Variants in SIX4 observed in about 807,000 individuals in gnomAD.
The protein encoded by SIX4 is homeobox protein SIX4.
Under a neutral mutation model 51.5 loss-of-function variants are expected in SIX4, and 23 were observed. The observed-to-expected ratio is 0.45, with a 90% CI of 0.32 to 0.63. The LOEUF (loss-of-function observed/expected upper bound fraction) is 0.63, where lower values mean the gene tolerates loss of function less well. SIX4 is among the 30% of genes least tolerant of loss of function. The pLI is 0.04. For synonymous variants in SIX4, 413 were observed against 417.3 expected, an observed-to-expected ratio of 0.99 and a Z score of 0.13; for missense variants, 867 against 984.0, an observed-to-expected ratio of 0.88 and a Z score of 1.59.
At chr14:60,723,044 C>T (rs1317558765) in intron 1 of SIX4, 168 bp downstream of exon 1, 3 of 1,406,150 alleles carry the variant, frequency 2.1e-6, no homozygotes, top group Admixed American at 6.4e-5. Context: ...CCTCCGCCGC[C>T]CCCTACCTCT....
At position 60,713,226 on chromosome 14, in the gene SIX4, A is replaced by G; in HGVS notation, c.*181T>C. The G allele has an allele frequency of 1.8e-6, 1 of 565,440 alleles. No individual in the cohort carries two copies. The highest frequency in any genetic ancestry group is 3.0e-6 in the Non-Finnish European group (1 of 336,132). The allele number at this position is 565,440 out of a possible 1,614,324, so 35.0% of individuals were successfully genotyped here. ...ATAAGTGAACAAAAAGGCTGCAATA[A>G]TGCAGTTCTACTCCTGTATACTTAA... On this transcript the variant is annotated 3_prime_UTR_variant, in exon 3 of 3. Coordinates refer to ENST00000216513, the MANE Select transcript of SIX4 (RefSeq NM_017420.5).
At position 60,719,904 on chromosome 14, in the gene SIX4, C is replaced by T. The variant is rs1000491025; in HGVS notation, c.1405G>A (p.Val469Ile). The T allele has an allele frequency of 6.2e-6, 10 of 1,614,060 alleles. No homozygotes were observed. The highest frequency in any genetic ancestry group is 8.5e-6 in the Non-Finnish European group (10 of 1,180,042). Reference protein sequence around the residue: ...QTVASQDGGSVVTFTTPVQIN... With the variant: ...QTVASQDGGSIVTFTTPVQIN... The stretch of plus-strand genomic sequence containing the variant: ...TGCACTGGTGTAGTAAAAGTCACTA[C>T]AGACCCTCCATCTTGGGAAGCCACT... The change falls in exon 2 of 3, where the codon GTA becomes ATA. Residue 469 changes from valine (V) to isoleucine (I), a missense_variant. Physicochemically the swap from Val to Ile is conservative, Grantham distance 29. Transcript: ENST00000216513. The surrounding 1 kb of genome is among the most constrained non-coding windows in gnomAD (Gnocchi z 4.9).
At chr14:60,718,929 C>T (rs551855984) in intron 2 of SIX4, among the ~76,000 whole-genome samples, 10 of 152,250 alleles carry the variant, frequency 6.6e-5, no homozygotes, top group South Asian at 6.2e-4. Flanking sequence ...AGAAGGCAAA[C>T]GTGCATTAAG....
rs753574056 is a variant in SIX4, at chr14:60,714,130, T to C, written c.1623A>G (p.Gly541=). ...GAGCAAGAGAGCTCAAGAAAACCTT[T>C]CCTTGCTGGACTGTGGTAGACTCAC... The part of the protein sequence containing the change: ...FTSESTTVQQ[G]KVFLSSLAPS... The change falls in exon 3 of 3, where the codon GGA becomes GGG. Residue 541 remains glycine, a synonymous_variant. Transcript: ENST00000216513. 6.2e-7 allele frequency: 1 copy of C among 1,613,720 alleles called. No homozygotes were observed. Among genetic ancestry groups the C allele is most frequent in the Non-Finnish European group, 8.5e-7 (1 of 1,179,992 alleles).
At position 60,722,117 on chromosome 14, in the gene SIX4, C is replaced by T. The variant is rs1039047941; in HGVS notation, c.863+1095G>A. On this transcript the variant is annotated intron_variant, in intron 1 of 2. Transcript: ENST00000216513. This position sits in a 1 kb window ranked among gnomAD's most constrained non-coding sequence, Gnocchi z 5.9. ...CCCAGTTTGCTTCCCCGAGAAGAAC[C>T]TTCGAGCTGCTTTTGGATTCTTTCT... 2.0e-5 allele frequency among the ~76,000 whole-genome samples: 3 copies of T among 152,206 alleles called. No homozygotes were observed. The highest frequency in any genetic ancestry group is 7.2e-5 in the African/African-American group (3 of 41,466).
At position 60,720,371 on chromosome 14, in the gene SIX4, G is replaced by A. The variant is rs767537596; in HGVS notation, c.938C>T (p.Ser313Phe). The A allele has an allele frequency of 6.2e-6, 10 of 1,614,212 alleles. No homozygotes were observed. In the Admixed American group the frequency reaches 1.5e-4, roughly 24 times the overall value. The change falls in exon 2 of 3, where the codon TCC (serine) becomes TTC (phenylalanine). Residue 313 changes from serine (S) to phenylalanine (F), a missense_variant. Transcript: ENST00000216513. This position sits in a 1 kb window ranked among gnomAD's most constrained non-coding sequence, Gnocchi z 5.5. ...GHEDLSPHPL[S>F]SSSDGITNLS... The stretch of plus-strand genomic sequence containing the variant: ...GTTGGTGATGCCATCAGATGAACTG[G>A]AGAGTGGGTGAGGAGATAAATCCTC...
At position 60,723,895 on chromosome 14, in the gene SIX4, G is replaced by C; in HGVS notation, c.180C>G (p.Thr60=). Residue 60 remains threonine, a synonymous_variant, in exon 1 of 3, where the codon ACC becomes ACG. Transcript: ENST00000216513. ...PFPLEPGDAA[T]AAARVSGEEG... Reference sequence around the variant, plus strand: ...CCTCTCCGCTCACCCTGGCGGCAGCGGTCGCGGCGTCCCCCGGCTCCAGGG... The same window carrying C: ...CCTCTCCGCTCACCCTGGCGGCAGCCGTCGCGGCGTCCCCCGGCTCCAGGG... The C allele has an allele frequency of 1.3e-6, 2 of 1,523,740 alleles. No homozygotes were observed. Among genetic ancestry groups the C allele is most frequent in the African/African-American group, 1.4e-5 (1 of 69,560 alleles). The allele number at this position is 1,523,740 out of a possible 1,614,324, so 94.4% of individuals were successfully genotyped here. A position where few individuals can be genotyped will look rare whatever the true frequency, so the allele number is the denominator to read the frequency against.
chr14:60,721,893 C>T lies in SIX4; in HGVS notation c.863+1319G>A, dbSNP rs183484874. Among the ~76,000 whole-genome samples the T allele has an allele frequency of 2.3e-3, 343 of 152,372 alleles. 1 individual carries two copies. The highest frequency in any genetic ancestry group is 7.7e-3 in the African/African-American group (321 of 41,596). ...ATATCTGCGGAAGGCGCACGCACAT[C>T]CCGGTGCACCTTTTGTTTTGGTTAC... On this transcript the variant is annotated intron_variant, in intron 1 of 2. Coordinates refer to ENST00000216513, the MANE Select transcript of SIX4 (RefSeq NM_017420.5).
chr14:60,717,068 A>T lies in SIX4; in HGVS notation c.1549+2692T>A. On this transcript the variant is annotated intron_variant, in intron 2 of 2. Transcript: ENST00000216513. The surrounding 1 kb of genome is among the most constrained non-coding windows in gnomAD (Gnocchi z 4.6). ...AGTATGCTTTAAAACTCTTATTTTT[A>T]TTTATTTATTTATTTATTTTTGAGA... 3.2e-6 allele frequency: 1 copy of T among 307,854 alleles called. No individual in the cohort carries two copies. The highest frequency in any genetic ancestry group is 6.3e-6 in the Non-Finnish European group (1 of 158,974). 19.1% of individuals were successfully genotyped at this position (307,854 alleles called of 1,614,324 possible).
In SIX4 at chr14:60,716,618, G is replaced by A. The variant is rs1329764407; in HGVS notation, c.1550-2415C>T. ...GCCCAGGCTGGTCTGGAATTCCTGG[G>A]CTCAAGTGATCCTCCTGCCTCAGCC... On this transcript the variant is annotated intron_variant, in intron 2 of 2. Coordinates refer to ENST00000216513, the MANE Select transcript of SIX4 (RefSeq NM_017420.5). Among the ~76,000 whole-genome samples, 57 of 152,216 alleles carry A rather than the reference G, an allele frequency of 3.7e-4. 1 individual carries two copies. The highest frequency in any genetic ancestry group is 1.5e-5 in the Non-Finnish European group (1 of 68,010).
In SIX4 at chr14:60,711,287, T is replaced by C. The variant is rs1282694234; in HGVS notation, c.*2120A>G. On this transcript the variant is annotated 3_prime_UTR_variant, in exon 3 of 3. Transcript: ENST00000216513. ...CAAAAAACATGTAGCTTCAGCAGTT[T>C]AGGAACATTCACCAATTCTATCAAA... The C allele has an allele frequency of 6.6e-6, 1 of 152,304 alleles. No homozygotes were observed. Among genetic ancestry groups the C allele is most frequent in the Non-Finnish European group, 1.5e-5 (1 of 68,022 alleles). The allele number at this position is 152,304 out of a possible 1,614,324, so 9.4% of individuals were successfully genotyped here.
chr14:60,723,013 G>T (rs1896055151), intron 1 of SIX4, 199 bp downstream of exon 1: 1 of 1,239,256 alleles, frequency 8.1e-7, no homozygotes. Context: ...AGGGTAAGGA[G>T]GGAGGTTCCC....
rs895205547 is a variant in SIX4 at position 60,711,526 on chromosome 14, C to T, written c.*1881G>A. On this transcript the variant is annotated 3_prime_UTR_variant, in exon 3 of 3. Transcript: ENST00000216513. ...TGTGGCCAGGCACAGTGGCTCATGCCTATAATCCCAGCACTTTGGGAGGCC... is the reference window on the plus strand; with the variant it reads ...TGTGGCCAGGCACAGTGGCTCATGCTTATAATCCCAGCACTTTGGGAGGCC... 1 of 151,908 alleles carries T rather than the reference C, an allele frequency of 6.6e-6. No homozygotes were observed. Among genetic ancestry groups the T allele is most frequent in the Non-Finnish European group, 1.5e-5 (1 of 68,074 alleles). The allele number at this position is 151,908 out of a possible 1,614,324, so 9.4% of individuals were successfully genotyped here.
chr14:60,724,080 GT>G lies in SIX4; in HGVS notation c.-7del. 6.4e-7 allele frequency: 1 copy of G among 1,550,452 alleles called. No homozygotes were observed. Among genetic ancestry groups the G allele is most frequent in the Non-Finnish European group, 8.7e-7 (1 of 1,147,716 alleles). ...GTGGGGGAGGAAGAGGACATTTTTT[GT>G]TGTTTATTTTCCTCCCTCCCTCACT... is the stretch of plus-strand genomic sequence containing the variant. On this transcript the variant is annotated 5_prime_UTR_variant, in exon 1 of 3. Transcript: ENST00000216513.
In SIX4 at chr14:60,720,758, T is replaced by C. The variant is rs1328658395; in HGVS notation, c.864-313A>G. Among the ~76,000 whole-genome samples the C allele has an allele frequency of 6.6e-6, 1 of 152,214 alleles. No homozygotes were observed. The highest frequency in any genetic ancestry group is 6.5e-5 in the Admixed American group (1 of 15,286). On this transcript the variant is annotated intron_variant, in intron 1 of 2. Coordinates refer to ENST00000216513, the MANE Select transcript of SIX4 (RefSeq NM_017420.5). This position sits in a 1 kb window ranked among gnomAD's most constrained non-coding sequence, Gnocchi z 5.5. ...CATATTTGATTTTACAGTGTAGAAG[T>C]GCTATTCCTTACTGTTACATATGCT...
chr14:60,722,964 C>T lies in SIX4; in HGVS notation c.863+248G>A. On this transcript the variant is annotated intron_variant, in intron 1 of 2. Coordinates refer to ENST00000216513, the MANE Select transcript of SIX4 (RefSeq NM_017420.5). This position sits in a 1 kb window ranked among gnomAD's most constrained non-coding sequence, Gnocchi z 5.9. ...GCCGAGGTGGGGGCGGGGACTGAGACCTAGGCGGGCGACCAGAAACTTCTG... is the reference window on the plus strand; with the variant it reads ...GCCGAGGTGGGGGCGGGGACTGAGATCTAGGCGGGCGACCAGAAACTTCTG... The T allele has an allele frequency of 1.6e-6, 1 of 635,210 alleles. No homozygotes were observed. Among genetic ancestry groups the T allele is most frequent in the Non-Finnish European group, 2.5e-6 (1 of 400,264 alleles). The allele number at this position is 635,210 out of a possible 1,614,324, so 39.3% of individuals were successfully genotyped here. A position where few individuals can be genotyped will look rare whatever the true frequency, so the allele number is the denominator to read the frequency against.
Position 60,724,266 on chromosome 14 carries a change from G to C in SIX4, c.-192C>G. On this transcript the variant is annotated 5_prime_UTR_variant, in exon 1 of 3. Transcript: ENST00000216513. ...CGGCCACGCAGTCACCATTAAGATAGCTGTTAGAGCAAAGTAGTGTAAACG... is the reference window on the plus strand; with the variant it reads ...CGGCCACGCAGTCACCATTAAGATACCTGTTAGAGCAAAGTAGTGTAAACG... 1 of 1,534,026 alleles carries C rather than the reference G, an allele frequency of 6.5e-7. No homozygotes were observed. Among genetic ancestry groups the C allele is most frequent in the Non-Finnish European group, 8.7e-7 (1 of 1,145,964 alleles).
In SIX4 at chr14:60,724,178, C is replaced by T. The variant is rs751178648; in HGVS notation, c.-104G>A. The T allele has an allele frequency of 1.3e-5, 20 of 1,590,510 alleles. No homozygotes were observed. Among genetic ancestry groups the T allele is most frequent in the Middle Eastern group, 1.7e-4 (1 of 6,020 alleles). Reference sequence around the variant, plus strand: ...CCTTCGTCTCCCTCCCTCCTCTCCCCCTCCGGAAAGCCCACTCCCTCCCTC... The same window carrying T: ...CCTTCGTCTCCCTCCCTCCTCTCCCTCTCCGGAAAGCCCACTCCCTCCCTC... On this transcript the variant is annotated 5_prime_UTR_variant, in exon 1 of 3. Coordinates refer to ENST00000216513, the MANE Select transcript of SIX4 (RefSeq NM_017420.5).
Position 60,713,610 on chromosome 14 carries a change from G to A in SIX4, c.2143C>T (p.Leu715=). 1.2e-6 allele frequency: 2 copies of A among 1,614,216 alleles called. No individual in the cohort carries two copies. The highest frequency in any genetic ancestry group is 1.7e-6 in the Non-Finnish European group (2 of 1,180,042). Residue 715 remains leucine, a synonymous_variant, in exon 3 of 3, where the codon CTG becomes TTG. Transcript: ENST00000216513. ...TCTTTCATGTTAGCTACCGATTGCA[G>A]AACCAAACGATGTTCTTGGACAAAA... The part of the protein sequence containing the change: ...QDFVQEHRLV[L]QSVANMKENF...
Sources: gnomAD v4.1 joint callset for allele counts (sites outside exome capture counted in the v4.1 genomes callset) on GRCh38, gnomAD v4.1.1 for gene constraint, Gnocchi (gnomAD v3.1) non-coding constraint, MANE v1.5 for transcripts, NCBI Gene and HGNC (gene_info 2026-07-23, HGNC 2026-07-21) for gene names.